AGBL4: variants seen among roughly 807,000 people sequenced by gnomAD.
AGBL4 encodes the protein cytosolic carboxypeptidase 6.
In AGBL4, 58 loss-of-function variants were observed where a neutral mutation model predicts 66.4. The ratio of observed to expected loss-of-function variants is 0.87; its 90% CI spans 0.71 to 1.09. The LOEUF is 1.09. Among genes scored for constraint, AGBL4 ranks in the 50% least tolerant of loss-of-function variants. The probability of loss-of-function intolerance (pLI) is 0.00; values close to 1 mark genes in which losing one functional copy is unlikely to be tolerated. For missense variants in AGBL4, 579 were observed against 631.0 expected (o/e 0.92, Z 0.88); for synonymous variants, 234 against 222.9 (o/e 1.05, Z -0.44).
intron 6 of AGBL4, among the ~76,000 whole-genome samples, chr1:48,819,188 A>G (rs1646256585): frequency 6.6e-6 from 1 of 152,220 alleles, no homozygotes; most frequent in Non-Finnish European, 1.5e-5. Context: ...ATAAGGAGGC[A>G]GATAAGGAGA....
chr1:48,845,299 C>T (rs1646885439), intron 6 of AGBL4, among the ~76,000 whole-genome samples: 1 of 152,210 alleles, frequency 6.6e-6, no homozygotes, highest in South Asian at 2.1e-4. Context: ...CTTACATTTA[C>T]TTTATTCACT....
chr1:48,709,881 C>T (rs898556522), intron 6 of AGBL4, among the ~76,000 whole-genome samples: 6 of 152,114 alleles, frequency 3.9e-5, no homozygotes, highest in Admixed American at 2.0e-4. Context: ...GGATTACAGG[C>T]GTGAGCCACC....
intron 4 of AGBL4, among the ~76,000 whole-genome samples, chr1:49,115,084 C>G (rs2148029591): frequency 6.6e-6 from 1 of 152,166 alleles, no homozygotes; most frequent in East Asian, 1.9e-4. Flanking sequence ...AAAAAACCAA[C>G]ACAGTATCTG....
intron 6 of AGBL4, among the ~76,000 whole-genome samples, chr1:48,789,405 C>G (rs1645488061): frequency 1.3e-5 from 2 of 152,072 alleles, no homozygotes; most frequent in African/African-American, 4.8e-5. Context: ...TCTCCTGCCT[C>G]AGCCTCCCGA....
intron 4 of AGBL4, among the ~76,000 whole-genome samples, chr1:49,228,141 T>C (rs1014363592): frequency 6.6e-6 from 1 of 152,236 alleles, no homozygotes; most frequent in African/African-American, 2.4e-5. Context: ...AATCTTTATG[T>C]GTATAAAATA....
intron 9 of AGBL4, among the ~76,000 whole-genome samples, chr1:48,591,802 T>C (rs911973349): frequency 1.2e-4 from 18 of 152,356 alleles, no homozygotes; most frequent in Middle Eastern, 6.8e-3. Flanking sequence ...AGTCTACCTC[T>C]GCTCTTTACT....
chr1:49,318,365 C>T (rs181402181), intron 3 of AGBL4, among the ~76,000 whole-genome samples: 189 of 151,410 alleles, frequency 1.2e-3, no homozygotes, highest in African/African-American at 4.4e-3. Flanking sequence ...AGGAATACAA[C>T]ATACGGGAAT....
At chr1:49,969,236 G>T (rs1474672302) in intron 1 of AGBL4, among the ~76,000 whole-genome samples, 2 of 152,114 alleles carry the variant, frequency 1.3e-5, no homozygotes, top group Non-Finnish European at 2.9e-5. Context: ...CATATTTAAT[G>T]TATACAACTC....
At chr1:49,908,398 G>T (rs1650482960) in intron 1 of AGBL4, among the ~76,000 whole-genome samples, 1 of 152,070 alleles carries the variant, frequency 6.6e-6, no homozygotes, top group African/African-American at 2.4e-5. Context: ...GTGAGTTATT[G>T]CAAGATCTGG....
chr1:49,626,704 T>C (rs1222435681), intron 3 of AGBL4, among the ~76,000 whole-genome samples: 1 of 152,006 alleles, frequency 6.6e-6, no homozygotes, highest in African/African-American at 2.4e-5. Context: ...GGTTGGCCAA[T>C]CAGAGGAAGC....
intron 11 of AGBL4, among the ~76,000 whole-genome samples, chr1:48,560,518 T>TGGAGA (rs1469179064): frequency 1.3e-5 from 2 of 152,176 alleles, no homozygotes; most frequent in Admixed American, 1.3e-4. Context: ...TTTTACATTA[T>TGGAGA]GGAGAGAAAT....
intron 2 of AGBL4, among the ~76,000 whole-genome samples, chr1:49,827,633 C>T (rs1390722185): frequency 6.6e-6 from 1 of 152,170 alleles, no homozygotes; most frequent in Non-Finnish European, 1.5e-5. Flanking sequence ...GTTTGTTGTA[C>T]ATTGCTACCA....
At chr1:48,994,003 A>G (rs768301339) in intron 5 of AGBL4, among the ~76,000 whole-genome samples, 5 of 152,140 alleles carry the variant, frequency 3.3e-5, no homozygotes, top group Non-Finnish European at 5.9e-5. Flanking sequence ...TTTTGTGTAG[A>G]TAGCTGTTAA....
intron 1 of AGBL4, among the ~76,000 whole-genome samples, chr1:49,959,813 A>G (rs760821627): frequency 2.4e-4 from 36 of 152,164 alleles, no homozygotes; most frequent in Non-Finnish European, 5.0e-4. Flanking sequence ...TGGATAAAGA[A>G]AATGTGGTAC....
At chr1:48,836,590 C>T (rs1646678760) in intron 6 of AGBL4, among the ~76,000 whole-genome samples, 1 of 151,894 alleles carries the variant, frequency 6.6e-6, no homozygotes, top group Non-Finnish European at 1.5e-5. Flanking sequence ...TGGAAGTTTC[C>T]CTAGGGATCA....
chr1:48,723,951 C>T (rs556507783), intron 6 of AGBL4, among the ~76,000 whole-genome samples: 34 of 152,320 alleles, frequency 2.2e-4, no homozygotes, highest in African/African-American at 2.2e-4. Flanking sequence ...GTGAGGGGAG[C>T]TGGAAGCCGA....
At chr1:49,420,455 C>T (rs1184959306) in intron 3 of AGBL4, among the ~76,000 whole-genome samples, 4 of 152,098 alleles carry the variant, frequency 2.6e-5, no homozygotes, top group East Asian at 1.9e-4. Context: ...AATCCCAGCA[C>T]GTTGGGAGGC....
chr1:48,762,652 G>A lies in AGBL4; in HGVS notation c.635-99411C>T, dbSNP rs560339939. Among the ~76,000 whole-genome samples the A allele has an allele frequency of 2.7e-5, 4 of 147,126 alleles. No individual in the cohort carries two copies. In the East Asian group the frequency reaches 6.0e-4, roughly 22 times the overall value. On this transcript the variant is annotated intron_variant, in intron 6 of 13. Coordinates refer to ENST00000371839, the MANE Select transcript of AGBL4 (RefSeq NM_032785.4). The stretch of plus-strand genomic sequence containing the variant: ...TGTGTGTGTGTGTGTGTGTGTGTGT[G>A]TGTGTGTATGTATTTGCATGTGTTA...
At chr1:49,495,249 T>G (rs1647435362) in intron 3 of AGBL4, among the ~76,000 whole-genome samples, 1 of 152,118 alleles carries the variant, frequency 6.6e-6, no homozygotes, top group Non-Finnish European at 1.5e-5. Flanking sequence ...ACTAATATCT[T>G]ACAACTAGCT....
Sources: allele counts gnomAD v4.1 joint callset (sites outside exome capture counted in the v4.1 genomes callset), GRCh38; gene constraint gnomAD v4.1.1; transcripts MANE v1.5; gene names NCBI Gene and HGNC (gene_info 2026-07-23, HGNC 2026-07-21).